PPM1H: variants seen among roughly 807,000 people sequenced by gnomAD.
PPM1H encodes protein phosphatase, Mg2+/Mn2+ dependent 1H, also known as protein phosphatase 1H.
In PPM1H, 27 loss-of-function variants were observed where a neutral mutation model predicts 54.9. The observed-to-expected ratio is 0.49, with a 90% confidence interval of 0.36 to 0.68. PPM1H has a LOEUF of 0.68. Among genes scored for constraint, PPM1H ranks in the 30% least tolerant of loss-of-function variants. The pLI, the probability that PPM1H is intolerant of heterozygous loss-of-function variation, is 0.00. For synonymous variants in PPM1H, 305 were observed against 270.8 expected (o/e 1.13, Z -1.24); for missense variants, 596 against 667.8 (o/e 0.89, Z 1.19).
intron 1 of PPM1H, among the ~76,000 whole-genome samples, chr12:62,852,555 T>C (rs1201022571): frequency 6.6e-6 from 1 of 152,242 alleles, no homozygotes; most frequent in Non-Finnish European, 1.5e-5. Context: ...TGTTATTTTT[T>C]ACAGAAAAAT....
At chr12:62,838,391 G>A (rs1276384406) in intron 1 of PPM1H, among the ~76,000 whole-genome samples, 1 of 151,580 alleles carries the variant, frequency 6.6e-6, no homozygotes, top group Non-Finnish European at 1.5e-5. Context: ...TATCAATTAT[G>A]AAAATTCTCT....
intron 8 of PPM1H, among the ~76,000 whole-genome samples, chr12:62,681,233 A>C (rs1023086394): frequency 6.6e-6 from 1 of 152,142 alleles, no homozygotes; most frequent in Admixed American, 6.5e-5. Context: ...TCCTCTTTAG[A>C]CCTCAACAAG....
intron 1 of PPM1H, among the ~76,000 whole-genome samples, chr12:62,889,506 AAT>A (rs1269089589): frequency 6.6e-6 from 1 of 151,918 alleles, no homozygotes; most frequent in Non-Finnish European, 1.5e-5. Flanking sequence ...AAATTTAAAA[AAT>A]ATATATATAA....
chr12:62,718,666 A>G (rs1024962476), intron 6 of PPM1H, among the ~76,000 whole-genome samples: 9 of 152,140 alleles, frequency 5.9e-5, no homozygotes, highest in Non-Finnish European at 4.4e-5. Flanking sequence ...CTAACGTTCC[A>G]TCTTTCCAAA....
rs1053026020 is a variant in PPM1H at position 62,802,167 on chromosome 12, G to A, written c.412-7C>T. 1.3e-6 allele frequency: 2 copies of A among 1,552,848 alleles called. No homozygotes were observed. Among genetic ancestry groups the A allele is most frequent in the African/African-American group, 2.7e-5 (2 of 73,624 alleles). ...AGGAAACACCCTCGGATTCCTGTGG[G>A]AGAGGACGACAGGGAGGAGTGAGAA... On this transcript the variant is annotated splice_region_variant and splice_polypyrimidine_tract_variant and intron_variant, in intron 2 of 9. Coordinates refer to ENST00000228705, the MANE Select transcript of PPM1H (RefSeq NM_020700.2).
At chr12:62,681,432 A>G (rs1225929554) in intron 8 of PPM1H, among the ~76,000 whole-genome samples, 4 of 151,864 alleles carry the variant, frequency 2.6e-5, no homozygotes, top group Non-Finnish European at 5.9e-5. Flanking sequence ...CAGCTCCCCC[A>G]TCTCCCATGG....
At chr12:62,882,110 G>A (rs1318708229) in intron 1 of PPM1H, among the ~76,000 whole-genome samples, 1 of 152,170 alleles carries the variant, frequency 6.6e-6, no homozygotes, top group African/African-American at 2.4e-5. Flanking sequence ...TAAAATGAAA[G>A]TAAATCTATA....
intron 2 of PPM1H, among the ~76,000 whole-genome samples, chr12:62,827,996 G>T (rs1221969061): frequency 6.6e-6 from 1 of 152,160 alleles, no homozygotes; most frequent in African/African-American, 2.4e-5. Context: ...AGCTCAGCAT[G>T]CAGACTCAGA....
chr12:62,687,766 T>C (rs1165577628), intron 8 of PPM1H, among the ~76,000 whole-genome samples: 3 of 152,142 alleles, frequency 2.0e-5, no homozygotes, highest in Non-Finnish European at 2.9e-5. Context: ...CCCAGCACTT[T>C]GGGAGGCCGA....
chr12:62,689,577 A>G, intron 8 of PPM1H, 122 bp downstream of exon 8: 1 of 670,278 alleles, frequency 1.5e-6, no homozygotes, highest in Non-Finnish European at 2.6e-6. Flanking sequence ...GACGTGAGAG[A>G]TACAGTGGAA....
intron 8 of PPM1H, among the ~76,000 whole-genome samples, chr12:62,680,511 A>G (rs1340202083): frequency 1.3e-5 from 2 of 151,958 alleles, no homozygotes; most frequent in Admixed American, 1.3e-4. Flanking sequence ...CTCTTAGAAT[A>G]TTTCCTCTCA....
intron 2 of PPM1H, 78 bp from the exon 3 acceptor site, chr12:62,802,238 A>G (rs1345139914): frequency 1.2e-5 from 14 of 1,201,416 alleles, no homozygotes; most frequent in South Asian, 1.7e-5. Flanking sequence ...TGGGACATCT[A>G]TGGGACTGAG....
At chr12:62,832,875 A>C (rs1230528339) in intron 1 of PPM1H, among the ~76,000 whole-genome samples, 1 of 152,192 alleles carries the variant, frequency 6.6e-6, no homozygotes, top group Non-Finnish European at 1.5e-5. Flanking sequence ...CATGTAGAAT[A>C]ATACTCATCA....
rs576807230 is a variant in PPM1H at position 62,755,462 on chromosome 12, G to A, written c.870-17876C>T. The A allele has an allele frequency of 5.3e-4, 362 of 685,906 alleles. 3 individuals carry two copies. Among genetic ancestry groups the A allele is most frequent in the South Asian group, 4.5e-3 (308 of 68,466 alleles). 42.5% of individuals were successfully genotyped at this position (685,906 alleles called of 1,614,324 possible). On this transcript the variant is annotated intron_variant, in intron 4 of 9. Coordinates refer to ENST00000228705, the MANE Select transcript of PPM1H (RefSeq NM_020700.2). ...AATCCTATCACCATCTTCCAGGAGC[G>A]AGATCCCTCCAAAATCAGATGGGGC...
chr12:62,737,791 CTTATGT>C (rs2076358723), intron 4 of PPM1H, among the ~76,000 whole-genome samples: 1 of 152,162 alleles, frequency 6.6e-6, no homozygotes, highest in Non-Finnish European at 1.5e-5. Flanking sequence ...TTCTAGTTAG[CTTATGT>C]TTATGTTTTC....
intron 6 of PPM1H, among the ~76,000 whole-genome samples, chr12:62,696,561 T>A (rs964375590): frequency 3.3e-5 from 5 of 152,188 alleles, no homozygotes; most frequent in Non-Finnish European, 7.3e-5. Context: ...CCATCCATAG[T>A]TACAAAGCCT....
At chr12:62,928,853 C>G (rs1035716245) in intron 1 of PPM1H, among the ~76,000 whole-genome samples, 10 of 152,194 alleles carry the variant, frequency 6.6e-5, no homozygotes, top group Admixed American at 5.9e-4. Context: ...CCTACAAGTA[C>G]CAGCTGTCAA....
intron 1 of PPM1H, among the ~76,000 whole-genome samples, chr12:62,916,976 C>A (rs1373458625): frequency 6.6e-6 from 1 of 151,178 alleles, no homozygotes; most frequent in Non-Finnish European, 1.5e-5. Context: ...TACAAAGAAC[C>A]AATACTGATT....
intron 6 of PPM1H, among the ~76,000 whole-genome samples, chr12:62,695,896 G>T (rs1303084029): frequency 6.6e-6 from 1 of 152,166 alleles, no homozygotes; most frequent in Non-Finnish European, 1.5e-5. Context: ...TGTGGAGAGT[G>T]AGGAGACAGG....
Sources: gnomAD v4.1 joint callset for allele counts (sites outside exome capture counted in the v4.1 genomes callset) on GRCh38, gnomAD v4.1.1 for gene constraint, MANE v1.5 for transcripts, NCBI Gene and HGNC (gene_info 2026-07-23, HGNC 2026-07-21) for gene names.